ST3GAL1: variants seen among roughly 807,000 people sequenced by gnomAD.
The protein encoded by ST3GAL1 is CMP-N-acetylneuraminate-beta-galactosamide-alpha-2,3-sialyltransferase 1.
Under a neutral mutation model 34.1 loss-of-function variants are expected in ST3GAL1, and 16 were observed. That is an observed-to-expected ratio of 0.47 (90% CI 0.32 to 0.71). The LOEUF is 0.71. ST3GAL1 is among the 30% of genes least tolerant of loss of function. The probability of loss-of-function intolerance (pLI) is 0.04; values close to 1 mark genes in which losing one functional copy is unlikely to be tolerated. For synonymous variants in ST3GAL1, 191 were observed against 184.7 expected, an observed-to-expected ratio of 1.03 and a Z score of -0.28; for missense variants, 353 against 447.4, an observed-to-expected ratio of 0.79 and a Z score of 1.90.
chr8:133,513,469 T>C (rs982330619), intron 2 of ST3GAL1, among the ~76,000 whole-genome samples: 7 of 152,246 alleles, frequency 4.6e-5, no homozygotes, highest in Non-Finnish European at 8.8e-5. Flanking sequence ...AAGAAAAGAC[T>C]GAACACATAA....
At chr8:133,481,749 G>A (rs1418785047) in intron 3 of ST3GAL1, among the ~76,000 whole-genome samples, 1 of 151,392 alleles carries the variant, frequency 6.6e-6, no homozygotes, top group East Asian at 1.9e-4. Context: ...ACCCACCTCG[G>A]CCTCCCAAAG....
At chr8:133,487,050 T>C (rs1038968455) in intron 3 of ST3GAL1, among the ~76,000 whole-genome samples, 4 of 152,202 alleles carry the variant, frequency 2.6e-5, no homozygotes, top group Admixed American at 1.3e-4. Context: ...TTCAAGCGAT[T>C]CTCCTGCCTC....
rs187850342 is a variant in ST3GAL1 at position 133,466,864 on chromosome 8, C to T, written c.307-774G>A. 3.9e-5 allele frequency among the ~76,000 whole-genome samples: 6 copies of T among 152,210 alleles called. No individual in the cohort carries two copies. In the East Asian group the frequency reaches 5.8e-4, roughly 15 times the overall value. On this transcript the variant is annotated intron_variant, in intron 5 of 9. Coordinates refer to ENST00000522652, the MANE Select transcript of ST3GAL1 (RefSeq NM_173344.3). The surrounding 1 kb of genome is among the most constrained non-coding windows in gnomAD (Gnocchi z 4.4). ...CTGTAATCCCAGCACTTTGGGAGAC[C>T]GAGGCAGGTGGATCACGAAGTCAGG... is the stretch of plus-strand genomic sequence containing the variant.
intron 2 of ST3GAL1, among the ~76,000 whole-genome samples, chr8:133,510,880 G>C (rs1360822612): frequency 2.0e-5 from 3 of 152,214 alleles, no homozygotes; most frequent in Non-Finnish European, 4.4e-5. Flanking sequence ...CATCACAGGG[G>C]AAGGACAGGG....
At chr8:133,566,644 G>A (rs1819410193) in intron 1 of ST3GAL1, among the ~76,000 whole-genome samples, 1 of 152,110 alleles carries the variant, frequency 6.6e-6, no homozygotes, top group African/African-American at 2.4e-5. Context: ...CTGAAAACCT[G>A]GGCGCTTTCT....
At chr8:133,548,972 G>A (rs767208577) in intron 1 of ST3GAL1, among the ~76,000 whole-genome samples, 16 of 152,198 alleles carry the variant, frequency 1.1e-4, no homozygotes, top group Non-Finnish European at 1.5e-4. Context: ...TTATAACTCC[G>A]CAGAAGCTCA....
chr8:133,459,563 A>G lies in ST3GAL1; in HGVS notation c.*201T>C. On this transcript the variant is annotated 3_prime_UTR_variant, in exon 10 of 10. Coordinates refer to ENST00000522652, the MANE Select transcript of ST3GAL1 (RefSeq NM_173344.3). The surrounding 1 kb of genome is among the most constrained non-coding windows in gnomAD (Gnocchi z 4.7). ...GTCCCCACTCAAGACAGGTTCCAAG[A>G]CATGCTCTGCCACGCTGGCAGAGCT... 1.9e-6 allele frequency: 1 copy of G among 525,598 alleles called. No homozygotes were observed. The highest frequency in any genetic ancestry group is 3.2e-6 in the Non-Finnish European group (1 of 314,818). 32.6% of individuals were successfully genotyped at this position (525,598 alleles called of 1,614,324 possible).
intron 2 of ST3GAL1, among the ~76,000 whole-genome samples, chr8:133,529,185 C>A (rs1818068966): frequency 6.6e-6 from 1 of 152,220 alleles, no homozygotes; most frequent in African/African-American, 2.4e-5. Flanking sequence ...GACCGGCTTT[C>A]TAGCCCTCTT....
At chr8:133,541,115 AT>A (rs1818510343) in intron 2 of ST3GAL1, among the ~76,000 whole-genome samples, 1 of 87,616 alleles carries the variant, frequency 1.1e-5, no homozygotes, top group African/African-American at 5.8e-5. Context: ...ATATATATAT[AT>A]ATATAGAGAG....
intron 3 of ST3GAL1, among the ~76,000 whole-genome samples, chr8:133,497,130 C>A (rs1478025572): frequency 2.6e-5 from 4 of 152,242 alleles, no homozygotes; most frequent in Non-Finnish European, 1.5e-5. Flanking sequence ...TACCTGGGCC[C>A]TGTCTGCCTG....
chr8:133,565,151 C>CTGTG (rs60990775), intron 1 of ST3GAL1, among the ~76,000 whole-genome samples: 44,237 of 139,126 alleles, frequency 0.32, 6,980 homozygotes, highest in Admixed American at 0.38. Flanking sequence ...CTCTGTGTGC[C>CTGTG]TGTGTGTGTG....
intron 4 of ST3GAL1, 43 bp from the exon 5 acceptor site, chr8:133,476,117 G>T: frequency 5.0e-6 from 7 of 1,402,082 alleles, no homozygotes; most frequent in Non-Finnish European, 6.7e-6. Flanking sequence ...AGAGGTGGAG[G>T]CTCAATCAAA....
intron 3 of ST3GAL1, among the ~76,000 whole-genome samples, chr8:133,483,723 C>T (rs1445078871): frequency 6.6e-6 from 1 of 152,204 alleles, no homozygotes; most frequent in East Asian, 1.9e-4. Context: ...GAAGGAGCTC[C>T]TAACACACTG....
intron 1 of ST3GAL1, among the ~76,000 whole-genome samples, chr8:133,563,079 G>A (rs1819294873): frequency 6.6e-6 from 1 of 151,698 alleles, no homozygotes; most frequent in Non-Finnish European, 1.5e-5. Context: ...ATGCATGAAG[G>A]GACTTTTTAG....
At chr8:133,565,438 T>C (rs1819365162) in intron 1 of ST3GAL1, among the ~76,000 whole-genome samples, 1 of 152,168 alleles carries the variant, frequency 6.6e-6, no homozygotes, top group African/African-American at 2.4e-5. Context: ...GATGCTCTCC[T>C]GGTTCCCCTA....
intron 3 of ST3GAL1, among the ~76,000 whole-genome samples, chr8:133,485,413 C>T (rs546585925): frequency 6.6e-6 from 1 of 152,190 alleles, no homozygotes; most frequent in Non-Finnish European, 1.5e-5. Context: ...CCTGAAGCTT[C>T]GTGGCCTGTG....
intron 2 of ST3GAL1, chr8:133,515,649 C>G (rs143018608): frequency 8.1e-4 from 124 of 152,162 alleles, no homozygotes; most frequent in African/African-American, 2.8e-3. Context: ...AGACAAGCAA[C>G]CTAAAATTAA....
In ST3GAL1 at chr8:133,476,338, C is replaced by G; in HGVS notation, c.-111G>C. 1 of 242,044 alleles carries G rather than the reference C, an allele frequency of 4.1e-6. No homozygotes were observed. Among genetic ancestry groups the G allele is most frequent in the Non-Finnish European group, 8.0e-6 (1 of 124,268 alleles). 15.0% of individuals were successfully genotyped at this position (242,044 alleles called of 1,614,324 possible). A position where few individuals can be genotyped will look rare whatever the true frequency, so the allele number is the denominator to read the frequency against. On this transcript the variant is annotated 5_prime_UTR_variant, in exon 4 of 10. Transcript: ENST00000522652. ...TCCTTAAAGAGCTGATAATGTCTCT[C>G]GATCAAGCTTTAACCAGTGATTTCC...
intron 3 of ST3GAL1, among the ~76,000 whole-genome samples, chr8:133,477,985 G>T (rs1816242364): frequency 6.6e-6 from 1 of 152,124 alleles, no homozygotes; most frequent in Admixed American, 6.5e-5. Context: ...AGATGCATAG[G>T]GTGCAACCCT....
Sources: gnomAD v4.1 joint callset for allele counts (sites outside exome capture counted in the v4.1 genomes callset) on GRCh38, gnomAD v4.1.1 for gene constraint, Gnocchi (gnomAD v3.1) non-coding constraint, MANE v1.5 for transcripts, NCBI Gene and HGNC (gene_info 2026-07-23, HGNC 2026-07-21) for gene names.